Variants in ADGRL2 observed in about 807,000 individuals in gnomAD.
ADGRL2 encodes adhesion G protein-coupled receptor L2.
ADGRL2 carries 44 observed loss-of-function variants against 157.4 expected under a neutral mutation model. That is an observed-to-expected ratio of 0.28 (90% CI 0.22 to 0.36). ADGRL2 has a LOEUF of 0.36. ADGRL2 is among the 10% of genes least tolerant of loss of function. ADGRL2 has a pLI of 1.00. For synonymous variants in ADGRL2, 585 were observed against 624.7 expected, an observed-to-expected ratio of 0.94 and a Z score of 0.95; for missense variants, 1,510 against 1,768.9, an observed-to-expected ratio of 0.85 and a Z score of 2.63.
At chr1:81,322,109 T>TATACAC (rs71592379) in intron 1 of ADGRL2, among the ~76,000 whole-genome samples, 5,886 of 129,774 alleles carry the variant, frequency 0.045, 219 homozygotes, top group Middle Eastern at 0.11. Context: ...TATATATATA[T>TATACAC]ACACATATAT....
intron 1 of ADGRL2, among the ~76,000 whole-genome samples, chr1:81,391,285 A>G (rs1453081220): frequency 6.6e-6 from 1 of 152,298 alleles, no homozygotes; most frequent in Non-Finnish European, 1.5e-5. Context: ...AGGCCTAGAG[A>G]CTGCCGTGCT....
At chr1:81,544,132 G>A (rs1183733920) in intron 2 of ADGRL2, among the ~76,000 whole-genome samples, 1 of 151,952 alleles carries the variant, frequency 6.6e-6, no homozygotes, top group Admixed American at 6.6e-5. Context: ...TGGATCCACT[G>A]CATTTATCAT....
intron 3 of ADGRL2, among the ~76,000 whole-genome samples, chr1:81,644,388 A>T (rs2082275732): frequency 6.6e-6 from 1 of 152,202 alleles, no homozygotes; most frequent in Non-Finnish European, 1.5e-5. Context: ...ATTAAGATTT[A>T]AAATTTCTGC....
chr1:81,415,341 AGT>A (rs964489813), intron 1 of ADGRL2, among the ~76,000 whole-genome samples: 3 of 152,136 alleles, frequency 2.0e-5, no homozygotes, highest in African/African-American at 7.2e-5. Flanking sequence ...AAGAAACACC[AGT>A]GTGTGTGTGT....
chr1:81,940,150 A>G (rs1005004329), intron 4 of ADGRL2, among the ~76,000 whole-genome samples: 1 of 151,452 alleles, frequency 6.6e-6, no homozygotes, highest in Non-Finnish European at 1.5e-5. Context: ...TACATCTTCT[A>G]TTGAACTTGT....
chr1:81,528,646 C>CAAAA lies in ADGRL2; in HGVS notation c.-247-52204_-247-52201dup, dbSNP rs59842382. ...TGGGCAAAAAAGTGAGACTCCATCT[C>CAAAA]AAAAAAAAAAAAAAAAAAAAAAAAA... On this transcript the variant is annotated intron_variant, in intron 2 of 24. Transcript: ENST00000370721. Among the ~76,000 whole-genome samples, 130 of 114,612 alleles carry CAAAA rather than the reference C, an allele frequency of 1.1e-3. 9 individuals are homozygous for CAAAA. Among genetic ancestry groups the CAAAA allele is most frequent in the African/African-American group, 3.1e-3 (81 of 26,444 alleles). 75.2% of individuals were successfully genotyped at this position (114,612 alleles called of 152,430 possible). A position where few individuals can be genotyped will look rare whatever the true frequency, so the allele number is the denominator to read the frequency against.
intron 2 of ADGRL2, among the ~76,000 whole-genome samples, chr1:81,547,775 G>T (rs562735269): frequency 6.6e-6 from 1 of 152,242 alleles, no homozygotes; most frequent in African/African-American, 2.4e-5. Context: ...CTCCCTCCCA[G>T]GGGCTATGTG....
At chr1:81,724,867 T>C (rs1396318507) in intron 1 of ADGRL2, among the ~76,000 whole-genome samples, 1 of 152,168 alleles carries the variant, frequency 6.6e-6, no homozygotes, top group Non-Finnish European at 1.5e-5. Context: ...GTTCTGTAAA[T>C]GAGAAAAAGC....
chr1:81,733,492 C>T (rs1048931350), intron 1 of ADGRL2, among the ~76,000 whole-genome samples: 2 of 152,190 alleles, frequency 1.3e-5, no homozygotes, highest in African/African-American at 4.8e-5. Context: ...AGGTGTCTCC[C>T]AGTGTGTCCT....
intron 2 of ADGRL2, among the ~76,000 whole-genome samples, chr1:81,459,300 G>T (rs1211389234): frequency 1.3e-5 from 2 of 152,120 alleles, no homozygotes; most frequent in Admixed American, 1.3e-4. Context: ...GAATCTGTCT[G>T]TCTCCTGTTG....
At chr1:81,425,439 T>A (rs1018822683) in intron 1 of ADGRL2, among the ~76,000 whole-genome samples, 5 of 152,316 alleles carry the variant, frequency 3.3e-5, no homozygotes, top group South Asian at 4.1e-4. Flanking sequence ...AAACGTGCAT[T>A]AGGTACACTT....
intron 1 of ADGRL2, among the ~76,000 whole-genome samples, chr1:81,324,725 C>CT (rs965337851): frequency 1.3e-5 from 2 of 151,002 alleles, no homozygotes; most frequent in Middle Eastern, 3.4e-3. Context: ...GGTGAGGAAA[C>CT]TTTTTTTTTG....
chr1:81,557,021 C>CAAAAAAA (rs150664851), intron 2 of ADGRL2: 6 of 147,494 alleles, frequency 4.1e-5, no homozygotes, highest in Admixed American at 7.3e-5. Flanking sequence ...GACTCCGTCT[C>CAAAAAAA]AAAAAAAAAA....
chr1:81,972,845 A>C (rs1174969566), intron 17 of ADGRL2, among the ~76,000 whole-genome samples: 2 of 151,556 alleles, frequency 1.3e-5, no homozygotes, highest in Non-Finnish European at 2.9e-5. Context: ...CCAGGAGCAC[A>C]AGGCTGCGGT....
At chr1:81,839,923 ATG>A (rs2092485435) in intron 2 of ADGRL2, among the ~76,000 whole-genome samples, 2 of 127,024 alleles carry the variant, frequency 1.6e-5, no homozygotes, top group Non-Finnish European at 3.3e-5. Context: ...TCATATATAT[ATG>A]ATGGAATATA....
intron 2 of ADGRL2, among the ~76,000 whole-genome samples, chr1:81,566,279 A>G (rs1557467468): frequency 6.6e-6 from 1 of 152,180 alleles, no homozygotes; most frequent in Non-Finnish European, 1.5e-5. Flanking sequence ...ATAGTTTTAA[A>G]ATAATTTAAC....
chr1:81,855,175 G>A (rs1008464872), intron 2 of ADGRL2, among the ~76,000 whole-genome samples: 3 of 152,052 alleles, frequency 2.0e-5, no homozygotes, highest in Admixed American at 6.6e-5. Flanking sequence ...ACAGTGGCTC[G>A]TGCCTGTAAT....
At chr1:81,742,825 C>A (rs557220378) in intron 1 of ADGRL2, among the ~76,000 whole-genome samples, 12 of 152,138 alleles carry the variant, frequency 7.9e-5, no homozygotes, top group African/African-American at 2.9e-4. Flanking sequence ...AGTCTTACCA[C>A]AAATTTTTCT....
chr1:81,306,873 A>G (rs1659373083), intron 1 of ADGRL2, among the ~76,000 whole-genome samples: 2 of 99,606 alleles, frequency 2.0e-5, no homozygotes, highest in African/African-American at 8.5e-5. Flanking sequence ...TTCAACCGTA[A>G]CAAATTTTTT....
Sources: gnomAD v4.1 joint callset for allele counts (sites outside exome capture counted in the v4.1 genomes callset) on GRCh38, gnomAD v4.1.1 for gene constraint, MANE v1.5 for transcripts, NCBI Gene and HGNC (gene_info 2026-07-23, HGNC 2026-07-21) for gene names.